Variants in ZNF154 observed in about 807,000 individuals in gnomAD.
ZNF154 encodes the protein zinc finger protein 154.
A neutral mutation model predicts 7.5 loss-of-function variants in ZNF154; 6 were observed. That is an observed-to-expected ratio of 0.80 (90% CI 0.44 to 1.57). The LOEUF (loss-of-function observed/expected upper bound fraction) is 1.57, where lower values mean the gene tolerates loss of function less well. Ranked by LOEUF, ZNF154 falls within the 40% of genes most tolerant of loss-of-function variation. ZNF154 has a pLI of 0.01. For missense variants in ZNF154, 485 were observed against 531.4 expected (o/e 0.91, Z 0.86); for synonymous variants, 187 against 185.9 (o/e 1.01, Z -0.05).
Position 57,699,976 on chromosome 19 carries a change from AAAAAAT to A in ZNF154, c.*1653_*1658del, listed in dbSNP as rs1055133379. On this transcript the variant is annotated 3_prime_UTR_variant, in exon 3 of 3. Transcript: ENST00000684351. ...CAACAGAGCAAGACTCTGACTCAAA[AAAAAAT>A]AAAAATAAAAATAAATCATGGTTCA... The A allele has an allele frequency of 1.3e-5, 2 of 152,226 alleles. No homozygotes were observed. Among genetic ancestry groups the A allele is most frequent in the Non-Finnish European group, 2.9e-5 (2 of 68,050 alleles). The allele number at this position is 152,226 out of a possible 1,614,324, so 9.4% of individuals were successfully genotyped here.
chr19:57,696,507 C>G lies in ZNF154; in HGVS notation c.*5128G>C, dbSNP rs1418545384. On this transcript the variant is annotated 3_prime_UTR_variant, in exon 3 of 3. Transcript: ENST00000684351. The stretch of plus-strand genomic sequence containing the variant: ...AGGTACCAAGAGGCTGCAAAACCAG[C>G]AGAGTCCTGATGCTGGGCAGTGGCA... Among the ~76,000 whole-genome samples the G allele has an allele frequency of 6.6e-6, 1 of 152,148 alleles. No individual in the cohort carries two copies. Among genetic ancestry groups the G allele is most frequent in the African/African-American group, 2.4e-5 (1 of 41,424 alleles).
intron 1 of ZNF154, among the ~76,000 whole-genome samples, chr19:57,708,224 C>T (rs888236364): frequency 4.6e-5 from 7 of 152,218 alleles, no homozygotes; most frequent in African/African-American, 1.7e-4. Flanking sequence ...TCAATGTCCT[C>T]ATCGCCCCAT....
chr19:57,707,782 G>C (rs1985450693), intron 1 of ZNF154, among the ~76,000 whole-genome samples: 1 of 152,118 alleles, frequency 6.6e-6, no homozygotes, highest in Non-Finnish European at 1.5e-5. Flanking sequence ...TGCGCCTCCT[G>C]ATACCAGTGC....
chr19:57,709,107 G>C lies in ZNF154; in HGVS notation c.-136C>G. ...AAGGCTTAGACGCTTTCGTGCAGGA[G>C]GGACGACGACTCCCCTCACGCCTTC... On this transcript the variant is annotated 5_prime_UTR_variant, in exon 1 of 3. Transcript: ENST00000684351. 8.1e-7 allele frequency: 1 copy of C among 1,237,400 alleles called. No homozygotes were observed. The highest frequency in any genetic ancestry group is 1.3e-5 in the South Asian group (1 of 74,090). The allele number at this position is 1,237,400 out of a possible 1,614,324, so 76.7% of individuals were successfully genotyped here.
chr19:57,709,061 G>A lies in ZNF154; in HGVS notation c.-90C>T. On this transcript the variant is annotated 5_prime_UTR_variant, in exon 1 of 3. Coordinates refer to ENST00000684351, the MANE Select transcript of ZNF154 (RefSeq NM_001085384.3). Reference sequence around the variant, plus strand: ...GGTCCCTATCCCAGGCCTGACGTGGGTCCCCCAGGGCGGCGTCGCCAAGGC... The same window carrying A: ...GGTCCCTATCCCAGGCCTGACGTGGATCCCCCAGGGCGGCGTCGCCAAGGC... 1 of 1,528,672 alleles carries A rather than the reference G, an allele frequency of 6.5e-7. No individual in the cohort carries two copies. The highest frequency in any genetic ancestry group is 8.9e-7 in the Non-Finnish European group (1 of 1,129,168). The allele number at this position is 1,528,672 out of a possible 1,614,324, so 94.7% of individuals were successfully genotyped here.
chr19:57,706,862 AG>A (rs1295066422), intron 1 of ZNF154, among the ~76,000 whole-genome samples: 1 of 152,254 alleles, frequency 6.6e-6, no homozygotes, highest in African/African-American at 2.4e-5. Context: ...CTGTAATCCC[AG>A]AACTCTGGGT....
At chr19:57,704,499 A>C (rs755827376) in intron 2 of ZNF154, among the ~76,000 whole-genome samples, 11 of 152,190 alleles carry the variant, frequency 7.2e-5, no homozygotes, top group Non-Finnish European at 1.5e-4. Flanking sequence ...AGGCAGGCAT[A>C]ATGAAATGCC....
chr19:57,702,553 A>G lies in ZNF154; in HGVS notation c.396T>C (p.His132=), dbSNP rs774446261. ...CTTTTGTGTGTTCTCCACAGTTGTA[A>G]TGAGTTTTTCCTCTGTGACTGATGG... ...GGAISHRGKT[H]YNCGEHTKAF... is the part of the protein sequence containing the mutation. The change falls in exon 3 of 3, where the codon CAT becomes CAC. Residue 132 remains histidine (H), a synonymous_variant. Transcript: ENST00000684351. 7.4e-6 allele frequency: 12 copies of G among 1,614,084 alleles called. No homozygotes were observed. The highest frequency in any genetic ancestry group is 7.6e-6 in the Non-Finnish European group (9 of 1,180,030).
intron 1 of ZNF154, among the ~76,000 whole-genome samples, chr19:57,706,851 C>T (rs1326472681): frequency 1.3e-5 from 2 of 152,240 alleles, no homozygotes; most frequent in African/African-American, 4.8e-5. Context: ...GTGGCTTACG[C>T]CTGTAATCCC....
intron 2 of ZNF154, among the ~76,000 whole-genome samples, chr19:57,703,823 A>G (rs1471452661): frequency 6.6e-6 from 1 of 152,176 alleles, no homozygotes; most frequent in African/African-American, 2.4e-5. Flanking sequence ...CAGCCTGGTC[A>G]AGATGGTGAA....
At chr19:57,704,796 G>A in intron 2 of ZNF154, 57 bp downstream of exon 2, 1 of 1,575,926 alleles carries the variant, frequency 6.3e-7, no homozygotes, top group Non-Finnish European at 8.6e-7. Context: ...TGCCTATAGA[G>A]AAAAGAGGAA....
At position 57,702,362 on chromosome 19, in the gene ZNF154, T is replaced by G; in HGVS notation, c.587A>C (p.Lys196Thr). ...EKPYECRECG[K>T]SFRQSSSLIQ... ...GAGACTAGAGCTTTGCCTAAAGGAC[T>G]TCCCACACTCTCGACATTCATAAGG... The change falls in exon 3 of 3, where the codon AAG (lysine) becomes ACG (threonine). Residue 196 changes from lysine to threonine, a missense_variant. Physicochemically the swap from Lys to Thr is moderately conservative, Grantham distance 78 (BLOSUM62 -1). Coordinates refer to ENST00000684351, the MANE Select transcript of ZNF154 (RefSeq NM_001085384.3). 6.2e-7 allele frequency: 1 copy of G among 1,612,732 alleles called. No homozygotes were observed. The highest frequency in any genetic ancestry group is 8.5e-7 in the Non-Finnish European group (1 of 1,178,848).
At chr19:57,706,158 A>C (rs1459258770) in intron 1 of ZNF154, among the ~76,000 whole-genome samples, 1 of 152,166 alleles carries the variant, frequency 6.6e-6, no homozygotes, top group African/African-American at 2.4e-5. Context: ...ATAACTTAGC[A>C]CACAGCGTCC....
In ZNF154 at chr19:57,708,845, C is replaced by T. The variant is rs1045571993; in HGVS notation, c.33+94G>A. The T allele has an allele frequency of 4.0e-6, 6 of 1,514,368 alleles. No individual in the cohort carries two copies. In the African/African-American group the frequency reaches 4.1e-5, roughly 10 times the overall value. 93.8% of individuals were successfully genotyped at this position (1,514,368 alleles called of 1,614,324 possible). ...CACGAACGCCTCAGTGTCCCCGACCCTGGGCAGCGGGGACTCGAGCAGGCG... is the reference window on the plus strand; with the variant it reads ...CACGAACGCCTCAGTGTCCCCGACCTTGGGCAGCGGGGACTCGAGCAGGCG... On this transcript the variant is annotated intron_variant, in intron 1 of 2. Coordinates refer to ENST00000684351, the MANE Select transcript of ZNF154 (RefSeq NM_001085384.3).
Position 57,697,098 on chromosome 19 carries a change from T to TA in ZNF154, c.*4536dup, listed in dbSNP as rs1984925934. Among the ~76,000 whole-genome samples the TA allele has an allele frequency of 1.3e-5, 2 of 152,240 alleles. No homozygotes were observed. The highest frequency in any genetic ancestry group is 4.1e-4 in the South Asian group (2 of 4,832). Reference sequence around the variant, plus strand: ...AACGTGTGTAATGGGCTACATCTGCTAGGCCATATGAAGGAGTGAGGCTTT... The same window carrying TA: ...AACGTGTGTAATGGGCTACATCTGCTAAGGCCATATGAAGGAGTGAGGCTTT... On this transcript the variant is annotated 3_prime_UTR_variant, in exon 3 of 3. Transcript: ENST00000684351.
Position 57,709,091 on chromosome 19 carries a change from ACGCTTTCGTGCAGG to A in ZNF154, c.-134_-121del. The A allele has an allele frequency of 7.1e-7, 1 of 1,403,394 alleles. No individual in the cohort carries two copies. The highest frequency in any genetic ancestry group is 9.8e-7 in the Non-Finnish European group (1 of 1,019,444). The allele number at this position is 1,403,394 out of a possible 1,614,324, so 86.9% of individuals were successfully genotyped here. A position where few individuals can be genotyped will look rare whatever the true frequency, so the allele number is the denominator to read the frequency against. On this transcript the variant is annotated 5_prime_UTR_variant, in exon 1 of 3. Transcript: ENST00000684351. ...CCAGGGCGGCGTCGCCAAGGCTTAG[ACGCTTTCGTGCAGG>A]AGGGACGACGACTCCCCTCACGCCT...
rs1984954913 is a variant in ZNF154 at position 57,697,766 on chromosome 19, TAGTG to T, written c.*3865_*3868del. The T allele has an allele frequency of 6.6e-6, 1 of 151,602 alleles. No homozygotes were observed. The highest frequency in any genetic ancestry group is 1.5e-5 in the Non-Finnish European group (1 of 67,902). The allele number at this position is 151,602 out of a possible 1,614,324, so 9.4% of individuals were successfully genotyped here. On this transcript the variant is annotated 3_prime_UTR_variant, in exon 3 of 3. Transcript: ENST00000684351. The stretch of plus-strand genomic sequence containing the variant: ...TGATAAATGGTGAAGGAAAAAAAAA[TAGTG>T]AAGGAAGACTGGAGAAAGGTTCATC...
intron 2 of ZNF154, among the ~76,000 whole-genome samples, chr19:57,703,576 C>G (rs1274174936): frequency 6.6e-6 from 1 of 151,036 alleles, no homozygotes; most frequent in Non-Finnish European, 1.5e-5. Context: ...AAGAGAGAGG[C>G]AGGGTCTAAA....
rs1438930002 is a variant in ZNF154 at position 57,696,932 on chromosome 19, C to T, written c.*4703G>A. On this transcript the variant is annotated 3_prime_UTR_variant, in exon 3 of 3. Transcript: ENST00000684351. ...CCCCAAGGCAGCTCCCCTCATTATCCTCTGTCATAAAGATATGATGTTTGC... is the reference window on the plus strand; with the variant it reads ...CCCCAAGGCAGCTCCCCTCATTATCTTCTGTCATAAAGATATGATGTTTGC... Among the ~76,000 whole-genome samples the T allele has an allele frequency of 6.6e-6, 1 of 152,160 alleles. No homozygotes were observed. Among genetic ancestry groups the T allele is most frequent in the East Asian group, 1.9e-4 (1 of 5,194 alleles).
Sources: gnomAD v4.1 joint callset for allele counts (sites outside exome capture counted in the v4.1 genomes callset) on GRCh38, gnomAD v4.1.1 for gene constraint, MANE v1.5 for transcripts, NCBI Gene and HGNC (gene_info 2026-07-23, HGNC 2026-07-21) for gene names.